The following NTRK2 variants were observed in gnomAD, a reference collection of about 807,000 sequenced individuals.
NTRK2 encodes the protein BDNF/NT-3 growth factors receptor.
A neutral mutation model predicts 94.5 loss-of-function variants in NTRK2; 13 were observed. That is an observed-to-expected ratio of 0.14 (90% CI 0.09 to 0.22). The LOEUF is 0.22. NTRK2 is among the 10% of genes least tolerant of loss of function. The pLI, the probability that NTRK2 is intolerant of heterozygous loss-of-function variation, is 1.00. For missense variants in NTRK2, 639 were observed against 1,071.2 expected (o/e 0.60, Z 5.63); for synonymous variants, 372 against 407.4 (o/e 0.91, Z 1.05).
intron 9 of NTRK2, among the ~76,000 whole-genome samples, chr9:84,740,443 T>C (rs11140745): frequency 0.58 from 88,064 of 152,178 alleles, 27,128 homozygotes; most frequent in South Asian, 0.68. Context: ...TTTACTGGAA[T>C]CAATGACTTT....
chr9:84,867,885 G>C (rs1273398556), intron 14 of NTRK2, among the ~76,000 whole-genome samples: 1 of 152,200 alleles, frequency 6.6e-6, no homozygotes, highest in African/African-American at 2.4e-5. Context: ...TATCAGTTTG[G>C]GGAGTCCTGT....
Position 85,026,093 on chromosome 9 carries a change from T to C in NTRK2, c.*4656T>C, listed in dbSNP as rs1421409604. ...TTATGTATTTATTTATTTATTTATATACTTTTGCTCCATTCAGCACAAACA... is the reference window on the plus strand; with the variant it reads ...TTATGTATTTATTTATTTATTTATACACTTTTGCTCCATTCAGCACAAACA... On this transcript the variant is annotated 3_prime_UTR_variant, in exon 19 of 19. Transcript: ENST00000277120. 1 of 215,826 alleles carries C rather than the reference T, an allele frequency of 4.6e-6. No individual in the cohort carries two copies. The highest frequency in any genetic ancestry group is 9.1e-6 in the Non-Finnish European group (1 of 109,958). 13.4% of individuals were successfully genotyped at this position (215,826 alleles called of 1,614,324 possible). A position where few individuals can be genotyped will look rare whatever the true frequency, so the allele number is the denominator to read the frequency against.
chr9:85,011,128 GAAC>G (rs1171551943), intron 17 of NTRK2, among the ~76,000 whole-genome samples: 1 of 152,162 alleles, frequency 6.6e-6, no homozygotes, highest in Non-Finnish European at 1.5e-5. Context: ...GGCTGCTGTA[GAAC>G]AACAGCAGGT....
rs202141763 is a variant in NTRK2 at position 84,861,066 on chromosome 9, G to A, written c.1423G>A (p.Val475Ile). 2.5e-6 allele frequency: 4 copies of A among 1,613,416 alleles called. No individual in the cohort carries two copies. The highest frequency in any genetic ancestry group is 2.5e-6 in the Non-Finnish European group (3 of 1,179,570). Residue 475 changes from valine (V) to isoleucine (I), a missense_variant, in exon 13 of 19, where the codon GTA becomes ATA. Coordinates refer to ENST00000277120, the MANE Select transcript of NTRK2 (RefSeq NM_006180.6). ...TTTCTCATGGTTTGGATTTGGGAAA[G>A]TAAAATCAAGACAAGGTGTTGGTAA... Reference protein sequence around the residue: ...KDFSWFGFGKVKSRQGVGPAS... With the variant: ...KDFSWFGFGKIKSRQGVGPAS...
intron 14 of NTRK2, chr9:84,872,033 G>A (rs1032202913): frequency 6.9e-7 from 1 of 1,450,862 alleles, no homozygotes; most frequent in African/African-American, 1.4e-5. Context: ...AAAGTACTAT[G>A]CCACTTTAAC....
chr9:84,726,207 C>G (rs537108126), intron 8 of NTRK2, among the ~76,000 whole-genome samples: 6 of 152,306 alleles, frequency 3.9e-5, no homozygotes, highest in African/African-American at 1.4e-4. Context: ...TAACAACTGG[C>G]TGGGTGTGGT....
chr9:85,005,901 C>A (rs748258814), intron 17 of NTRK2, among the ~76,000 whole-genome samples: 5 of 152,168 alleles, frequency 3.3e-5, no homozygotes, highest in African/African-American at 1.2e-4. Context: ...GTATTTATCA[C>A]CACCTGAAAT....
intron 12 of NTRK2, among the ~76,000 whole-genome samples, chr9:84,791,128 A>G (rs2068683490): frequency 6.6e-6 from 1 of 152,210 alleles, no homozygotes; most frequent in Non-Finnish European, 1.5e-5. Flanking sequence ...TTCTTTTGGT[A>G]ACTTATGCAA....
chr9:84,724,628 T>C (rs2062317774), intron 8 of NTRK2, among the ~76,000 whole-genome samples: 1 of 152,252 alleles, frequency 6.6e-6, no homozygotes, highest in Non-Finnish European at 1.5e-5. Flanking sequence ...TGATAGAATA[T>C]ACTTTGGGCT....
chr9:84,955,613 G>T (rs1432465469), intron 17 of NTRK2, 96 bp downstream of exon 17: 1 of 1,039,414 alleles, frequency 9.6e-7, no homozygotes, highest in East Asian at 2.6e-5. Context: ...AAAATATCAT[G>T]ACTGGGTGGC....
rs200926817 is a variant in NTRK2, at chr9:84,813,353, C to T, written c.1397-47687C>T. ...AACCTGGATTTCGTGTGAAATGTCC[C>T]GATTGTTAAAAAGTTGGCTCAATTA... On this transcript the variant is annotated intron_variant, in intron 12 of 18. Transcript: ENST00000277120. The T allele has an allele frequency of 2.8e-5, 29 of 1,032,412 alleles. No individual in the cohort carries two copies. In the Admixed American group the frequency reaches 4.9e-4, roughly 17 times the overall value. 64.0% of individuals were successfully genotyped at this position (1,032,412 alleles called of 1,614,324 possible).
chr9:84,883,107 A>G (rs2076312443), intron 14 of NTRK2, among the ~76,000 whole-genome samples: 1 of 152,138 alleles, frequency 6.6e-6, no homozygotes, highest in South Asian at 2.1e-4. Context: ...CTGCATCCAA[A>G]CTGGTATCTA....
chr9:84,712,455 C>T (rs1271448786), intron 6 of NTRK2, among the ~76,000 whole-genome samples: 1 of 152,124 alleles, frequency 6.6e-6, no homozygotes, highest in Non-Finnish European at 1.5e-5. Context: ...TTTGAATCTA[C>T]TGTAATGAGG....
At chr9:84,928,120 T>A (rs934763620) in intron 14 of NTRK2, among the ~76,000 whole-genome samples, 2 of 152,238 alleles carry the variant, frequency 1.3e-5, no homozygotes, top group African/African-American at 4.8e-5. Context: ...GTGTGTTTTA[T>A]GTCTGTGGTC....
chr9:84,819,604 T>A (rs2072652852), intron 12 of NTRK2, among the ~76,000 whole-genome samples: 1 of 152,196 alleles, frequency 6.6e-6, no homozygotes, highest in Non-Finnish European at 1.5e-5. Flanking sequence ...CTTCTCAGGG[T>A]GTCTGACCCA....
chr9:84,766,989 C>T (rs549565351), intron 12 of NTRK2, among the ~76,000 whole-genome samples: 1 of 152,264 alleles, frequency 6.6e-6, no homozygotes, highest in Admixed American at 6.5e-5. Context: ...TCATAGTGTA[C>T]ACTCCTGGCA....
intron 12 of NTRK2, among the ~76,000 whole-genome samples, chr9:84,835,276 T>G (rs2073804770): frequency 6.6e-6 from 1 of 152,162 alleles, no homozygotes; most frequent in South Asian, 2.1e-4. Flanking sequence ...CTTTCCTCGC[T>G]TGCCCCTTCA....
intron 17 of NTRK2, among the ~76,000 whole-genome samples, chr9:84,998,478 A>G (rs1185893345): frequency 6.6e-6 from 1 of 152,182 alleles, no homozygotes; most frequent in Non-Finnish European, 1.5e-5. Context: ...TATGAAATCA[A>G]CAGCAACTCA....
intron 15 of NTRK2, among the ~76,000 whole-genome samples, chr9:84,946,246 AC>A (rs1293798974): frequency 6.6e-6 from 1 of 152,196 alleles, no homozygotes; most frequent in East Asian, 1.9e-4. Flanking sequence ...TTCACAACTC[AC>A]GTGCCACTTC....
Sources: gnomAD v4.1 joint callset for allele counts (sites outside exome capture counted in the v4.1 genomes callset) on GRCh38, gnomAD v4.1.1 for gene constraint, MANE v1.5 for transcripts, NCBI Gene and HGNC (gene_info 2026-07-23, HGNC 2026-07-21) for gene names.